The following BBX variants were observed in gnomAD, a reference collection of about 807,000 sequenced individuals.
BBX encodes HMG box transcription factor BBX.
Under a neutral mutation model 100.2 loss-of-function variants are expected in BBX, and 30 were observed. That is an observed-to-expected ratio of 0.30 (90% CI 0.22 to 0.41). BBX has a LOEUF of 0.41. Ranked by LOEUF, BBX falls within the 10% of genes least tolerant of loss-of-function variation. BBX has a pLI of 1.00. For missense variants in BBX, 1,023 were observed against 1,129.8 expected (o/e 0.91, Z 1.35); for synonymous variants, 376 against 388.1 (o/e 0.97, Z 0.37).
intron 10 of BBX, among the ~76,000 whole-genome samples, chr3:107,769,501 A>G (rs948787744): frequency 4.6e-5 from 7 of 152,078 alleles, no homozygotes; most frequent in African/African-American, 7.2e-5. Flanking sequence ...GCCCCTTTCA[A>G]TAAAACCCAT....
At position 107,670,110 on chromosome 3, in the gene BBX, A is replaced by G. The variant is rs375825380; in HGVS notation, c.-10+24201A>G. On this transcript the variant is annotated intron_variant, in intron 3 of 17. Transcript: ENST00000325805. ...TAGACTTAGCTAATTAGATTTAACT[A>G]TTTCTTATTCACAGCATTTGAGGAA... 5.9e-5 allele frequency among the ~76,000 whole-genome samples: 9 copies of G among 152,262 alleles called. No individual in the cohort carries two copies. The East Asian group carries it at 1.3e-3, about 23-fold the overall frequency.
chr3:107,738,304 G>A (rs924860837), intron 7 of BBX, among the ~76,000 whole-genome samples: 2 of 151,910 alleles, frequency 1.3e-5, no homozygotes, highest in African/African-American at 4.8e-5. Context: ...TTATATGTAA[G>A]TATTGTCTCT....
At chr3:107,591,678 A>T (rs898680822) in intron 2 of BBX, among the ~76,000 whole-genome samples, 1 of 152,078 alleles carries the variant, frequency 6.6e-6, no homozygotes, top group Admixed American at 6.5e-5. Flanking sequence ...TGTACAGATG[A>T]AGTCTTGCTT....
At chr3:107,780,308 C>T (rs191286755) in intron 13 of BBX, among the ~76,000 whole-genome samples, 86 of 152,180 alleles carry the variant, frequency 5.7e-4, no homozygotes, top group African/African-American at 1.3e-3. Context: ...AAAACATTCA[C>T]GTTAGAGCTT....
intron 12 of BBX, among the ~76,000 whole-genome samples, chr3:107,776,774 T>G (rs1417118201): frequency 6.6e-6 from 1 of 152,196 alleles, no homozygotes; most frequent in African/African-American, 2.4e-5. Flanking sequence ...ACGTCTCACA[T>G]TTTCAGTTTT....
chr3:107,568,248 A>G (rs1354531377), intron 2 of BBX, among the ~76,000 whole-genome samples: 2 of 146,778 alleles, frequency 1.4e-5, no homozygotes, highest in East Asian at 3.9e-4. Context: ...GTTATGTCAG[A>G]TTCTCTATTT....
At chr3:107,690,135 A>G (rs913740302) in intron 3 of BBX, among the ~76,000 whole-genome samples, 2 of 152,356 alleles carry the variant, frequency 1.3e-5, no homozygotes, top group African/African-American at 2.4e-5. Context: ...GTTGTATATT[A>G]TAAAGTGCTT....
In BBX at chr3:107,596,223, C is replaced by A. The variant is rs144968709; in HGVS notation, c.-83-49613C>A. Among the ~76,000 whole-genome samples the A allele has an allele frequency of 7.2e-5, 11 of 151,990 alleles. No homozygotes were observed. In the East Asian group the frequency reaches 1.4e-3, roughly 19 times the overall value. Reference sequence around the variant, plus strand: ...ATCTAATTAATTTTTTGGCTGATTTCCATGCCTACTGCAGTTAGAATGCAG... The same window carrying A: ...ATCTAATTAATTTTTTGGCTGATTTACATGCCTACTGCAGTTAGAATGCAG... On this transcript the variant is annotated intron_variant, in intron 2 of 17. Transcript: ENST00000325805.
intron 3 of BBX, among the ~76,000 whole-genome samples, chr3:107,694,880 A>G (rs989444487): frequency 2.6e-5 from 4 of 151,480 alleles, no homozygotes; most frequent in Non-Finnish European, 5.9e-5. Context: ...AGCTCCTGTT[A>G]TTGGTCTATT....
intron 7 of BBX, among the ~76,000 whole-genome samples, chr3:107,744,425 T>A (rs918215307): frequency 6.6e-6 from 1 of 152,094 alleles, no homozygotes; most frequent in Non-Finnish European, 1.5e-5. Flanking sequence ...CCAAAGCAGT[T>A]GTCACAAAGC....
intron 2 of BBX, among the ~76,000 whole-genome samples, chr3:107,577,049 T>G (rs1257148442): frequency 6.6e-6 from 1 of 152,040 alleles, no homozygotes; most frequent in Non-Finnish European, 1.5e-5. Flanking sequence ...TTAGTAGAGA[T>G]GGGGTTTCAC....
rs1364332451 is a variant in BBX at position 107,807,874 on chromosome 3, T to A, written c.*2417T>A. 6.6e-6 allele frequency: 1 copy of A among 152,136 alleles called. No homozygotes were observed. Among genetic ancestry groups the A allele is most frequent in the African/African-American group, 2.4e-5 (1 of 41,414 alleles). The allele number at this position is 152,136 out of a possible 1,614,324, so 9.4% of individuals were successfully genotyped here. A position where few individuals can be genotyped will look rare whatever the true frequency, so the allele number is the denominator to read the frequency against. On this transcript the variant is annotated 3_prime_UTR_variant, in exon 18 of 18. Coordinates refer to ENST00000325805, the MANE Select transcript of BBX (RefSeq NM_001142568.3). ...TTTTCAGATACTTTAAAACAAACCT[T>A]TTTGTAGAAATGCTTAATTTTTAAG... is the stretch of plus-strand genomic sequence containing the variant.
intron 3 of BBX, among the ~76,000 whole-genome samples, chr3:107,704,630 C>T (rs372249231): frequency 2.0e-5 from 3 of 152,150 alleles, no homozygotes; most frequent in South Asian, 2.1e-4. Context: ...TAATAACAAA[C>T]CCACTCTGGT....
At chr3:107,662,882 T>C (rs1452674169) in intron 3 of BBX, 1 of 152,184 alleles carries the variant, frequency 6.6e-6, no homozygotes, top group African/African-American at 2.4e-5. Context: ...ACGTGCTAGG[T>C]ACTTGCTACT....
chr3:107,581,415 C>G (rs1257341737), intron 2 of BBX, among the ~76,000 whole-genome samples: 1 of 151,480 alleles, frequency 6.6e-6, no homozygotes, highest in Non-Finnish European at 1.5e-5. Flanking sequence ...TTGGAAATTC[C>G]CCTTCTGTGA....
chr3:107,635,286 A>C (rs1008115671), intron 2 of BBX, among the ~76,000 whole-genome samples: 1 of 152,232 alleles, frequency 6.6e-6, no homozygotes, highest in Non-Finnish European at 1.5e-5. Context: ...GAAACACTGT[A>C]TTCCAAATGA....
chr3:107,675,018 T>A (rs920327963), intron 3 of BBX, among the ~76,000 whole-genome samples: 4 of 152,178 alleles, frequency 2.6e-5, no homozygotes, highest in Non-Finnish European at 5.9e-5. Context: ...GACTTCCATT[T>A]ATGTGTGCAT....
At chr3:107,805,216 A>G (rs1169531228) in intron 17 of BBX, among the ~76,000 whole-genome samples, 154 bp from the exon 18 acceptor site, 1 of 151,996 alleles carries the variant, frequency 6.6e-6, no homozygotes, top group East Asian at 1.9e-4. Context: ...CAGAAGAGAA[A>G]AAACTCTAAA....
At chr3:107,704,667 A>G (rs2061285680) in intron 3 of BBX, among the ~76,000 whole-genome samples, 1 of 152,200 alleles carries the variant, frequency 6.6e-6, no homozygotes, top group African/African-American at 2.4e-5. Context: ...CTACAATCAC[A>G]ACATTAATCC....
Sources: allele counts gnomAD v4.1 joint callset (sites outside exome capture counted in the v4.1 genomes callset), GRCh38; gene constraint gnomAD v4.1.1; transcripts MANE v1.5; gene names NCBI Gene and HGNC (gene_info 2026-07-23, HGNC 2026-07-21).